The following A2M variants were observed in gnomAD, a reference collection of about 807,000 sequenced individuals.
A2M encodes the protein alpha-2-macroglobulin, also known as C3 and PZP-like alpha-2-macroglobulin domain-containing protein 5.
A neutral mutation model predicts 183.9 loss-of-function variants in A2M; 128 were observed. That is an observed-to-expected ratio of 0.70 (90% CI 0.60 to 0.81). The LOEUF (loss-of-function observed/expected upper bound fraction) is 0.81. Ranked by LOEUF, A2M falls within the 30% of genes least tolerant of loss-of-function variation. A2M has a pLI of 0.00. For synonymous variants in A2M, 592 were observed against 670.8 expected, an observed-to-expected ratio of 0.88 and a Z score of 1.81; for missense variants, 1,495 against 1,787.6, an observed-to-expected ratio of 0.84 and a Z score of 2.95.
At chr12:9,099,987 A>G (rs996147205) in intron 13 of A2M, among the ~76,000 whole-genome samples, 1 of 152,248 alleles carries the variant, frequency 6.6e-6, no homozygotes, top group South Asian at 2.1e-4. Flanking sequence ...TAGAGGTTGC[A>G]TTAAGTTTCC....
At chr12:9,093,676 A>C in intron 17 of A2M, 97 bp from the exon 18 acceptor site, 1 of 681,844 alleles carries the variant, frequency 1.5e-6, no homozygotes. Flanking sequence ...ACAAAAAACA[A>C]ATCGTCTGAT....
intron 35 of A2M, 38 bp from the exon 36 acceptor site, chr12:9,067,877 G>A: frequency 6.3e-7 from 1 of 1,597,298 alleles, no homozygotes; most frequent in Non-Finnish European, 8.6e-7. Context: ...AGACAGATTT[G>A]GGTCTCCATG....
intron 15 of A2M, 49 bp downstream of exon 15, chr12:9,098,558 G>T: frequency 6.4e-7 from 1 of 1,551,720 alleles, no homozygotes. Flanking sequence ...TCCTTGCTCT[G>T]AGCCCCTGGC....
chr12:9,079,544 G>A (rs1466107032), intron 24 of A2M, 95 bp downstream of exon 24: 1 of 1,230,774 alleles, frequency 8.1e-7, no homozygotes, highest in Non-Finnish European at 1.1e-6. Context: ...AGTGAGCTAA[G>A]CTAATGTATC....
chr12:9,069,736 T>C lies in A2M; in HGVS notation c.4263+9A>G. Reference sequence around the variant, plus strand: ...CGTTTTTTTGCAAATAGACTGGAAGTTCTCTTACCTTATCAAGGTAAATCA... The same window carrying C: ...CGTTTTTTTGCAAATAGACTGGAAGCTCTCTTACCTTATCAAGGTAAATCA... On this transcript the variant is annotated intron_variant, in intron 33 of 35. Transcript: ENST00000318602. 1.2e-6 allele frequency: 2 copies of C among 1,608,118 alleles called. No individual in the cohort carries two copies. Among genetic ancestry groups the C allele is most frequent in the Non-Finnish European group, 1.7e-6 (2 of 1,176,536 alleles).
chr12:9,071,358 G>A (rs1565576542), intron 31 of A2M, among the ~76,000 whole-genome samples: 1 of 151,998 alleles, frequency 6.6e-6, no homozygotes, highest in Non-Finnish European at 1.5e-5. Flanking sequence ...TCTTGTCCCC[G>A]AGAGTTTGCA....
chr12:9,115,687 A>G lies in A2M; in HGVS notation c.86+77T>C, dbSNP rs7315247. ...GATGACAGTATCATAGGAAAGAAAA[A>G]GGAATGATATAAAGAAAAATCTGCA... On this transcript the variant is annotated intron_variant, in intron 1 of 35. Transcript: ENST00000318602. The G allele has an allele frequency of 3.5e-5, 38 of 1,092,068 alleles. No individual in the cohort carries two copies. In the African/African-American group the frequency reaches 5.5e-4, roughly 16 times the overall value. The allele number at this position is 1,092,068 out of a possible 1,614,324, so 67.6% of individuals were successfully genotyped here. A position where few individuals can be genotyped will look rare whatever the true frequency, so the allele number is the denominator to read the frequency against.
At position 9,069,825 on chromosome 12, in the gene A2M, T is replaced by C. The variant is rs1479439259; in HGVS notation, c.4195-12A>G. 1.9e-6 allele frequency: 3 copies of C among 1,612,710 alleles called. 1 individual carries two copies. The South Asian group carries it at 3.3e-5, about 18-fold the overall frequency. On this transcript the variant is annotated splice_polypyrimidine_tract_variant and intron_variant, in intron 32 of 35. Transcript: ENST00000318602. ...TTAGATCTTTCAAGCTGAAGAAAAT[T>C]GAAATACCACAAATGTTAATAAATA...
intron 22 of A2M, among the ~76,000 whole-genome samples, chr12:9,081,816 G>A (rs1948915193): frequency 6.6e-6 from 1 of 152,192 alleles, no homozygotes; most frequent in African/African-American, 2.4e-5. Context: ...AAGTAATGAG[G>A]TCAGGTAGAA....
chr12:9,099,543 A>G lies in A2M; in HGVS notation c.1559-20T>C. 1 of 1,599,776 alleles carries G rather than the reference A, an allele frequency of 6.3e-7. No homozygotes were observed. The highest frequency in any genetic ancestry group is 8.5e-7 in the Non-Finnish European group (1 of 1,172,826). On this transcript the variant is annotated intron_variant, in intron 13 of 35. Coordinates refer to ENST00000318602, the MANE Select transcript of A2M (RefSeq NM_000014.6). ...CCTTCACTGGGGCACAAAGAGAATGAGAGGAAGCCATCATAGGTTAATGAC... is the reference window on the plus strand; with the variant it reads ...CCTTCACTGGGGCACAAAGAGAATGGGAGGAAGCCATCATAGGTTAATGAC...
At chr12:9,112,959 T>A (rs979223663) in intron 2 of A2M, among the ~76,000 whole-genome samples, 4 of 152,192 alleles carry the variant, frequency 2.6e-5, no homozygotes, top group African/African-American at 9.7e-5. Flanking sequence ...ACACCTTTGC[T>A]CAGGGTAATT....
rs187364339 is a variant in A2M, at chr12:9,093,372, A to T, written c.2240+93T>A. ...AAACATCATGTTGTACATCATAAAC[A>T]TATAAAACAATAAAAACAGAAAAAC... On this transcript the variant is annotated intron_variant, in intron 18 of 35. Coordinates refer to ENST00000318602, the MANE Select transcript of A2M (RefSeq NM_000014.6). 3.7e-6 allele frequency: 3 copies of T among 806,712 alleles called. No individual in the cohort carries two copies. In the East Asian group the frequency reaches 7.8e-5, roughly 21 times the overall value. The allele number at this position is 806,712 out of a possible 1,614,324, so 50.0% of individuals were successfully genotyped here. A position where few individuals can be genotyped will look rare whatever the true frequency, so the allele number is the denominator to read the frequency against.
At chr12:9,110,448 T>G in intron 4 of A2M, 114 bp from the exon 5 acceptor site, 1 of 558,848 alleles carries the variant, frequency 1.8e-6, no homozygotes, top group Non-Finnish European at 3.0e-6. Context: ...TAGTAAAAAA[T>G]AATTTAATTG....
At position 9,080,124 on chromosome 12, in the gene A2M, C is replaced by G; in HGVS notation, c.2824G>C (p.Glu942Gln). The G allele has an allele frequency of 6.3e-7, 1 of 1,590,726 alleles. No individual in the cohort carries two copies. Among genetic ancestry groups the G allele is most frequent in the Non-Finnish European group, 8.6e-7 (1 of 1,167,960 alleles). The change falls in exon 23 of 36, where the codon GAA becomes CAA. Residue 942 changes from glutamate to glutamine, a missense_variant. Glu to Gln is a conservative substitution (Grantham distance 29, BLOSUM62 2). Transcript: ENST00000318602. ...SLKLPPNVVEESARASVSVLG... is the reference protein window; with the variant it reads ...SLKLPPNVVEQSARASVSVLG... ...ACTGAGACAGAAGCTCGGGCAGATT[C>G]TTCTACCACATTTGGTGGCAGTTTC...
rs775056612 is a variant in A2M at position 9,104,246 on chromosome 12, G to T, written c.1259C>A (p.Thr420Asn). Reference protein sequence around the residue: ...NTTNVMGTSLTVRVNYKDRSP... With the variant: ...NTTNVMGTSLNVRVNYKDRSP... ...ATTTCTTTCCAAACTTACCCTAACA[G>T]TAAGAGAGGTACCCATAACATTGGT... Residue 420 changes from threonine to asparagine, a missense_variant, in exon 11 of 36, where the codon ACT (threonine) becomes AAT (asparagine). Transcript: ENST00000318602. 8 of 1,610,790 alleles carry T rather than the reference G, an allele frequency of 5.0e-6. No homozygotes were observed. Among genetic ancestry groups the T allele is most frequent in the Non-Finnish European group, 5.1e-6 (6 of 1,178,722 alleles).
At chr12:9,105,924 C>G (rs1938248875) in intron 10 of A2M, among the ~76,000 whole-genome samples, 1 of 152,062 alleles carries the variant, frequency 6.6e-6, no homozygotes, top group African/African-American at 2.4e-5. Context: ...CCTGAGACTG[C>G]CTGGTAAACC....
At position 9,077,429 on chromosome 12, in the gene A2M, A is replaced by C. The variant is rs190813517; in HGVS notation, c.3277-9T>G. ...TCATCTTCTACTCCTCCCTGTGAAT[A>C]CGAGAGAGAGATCTGAATAATTCAA... On this transcript the variant is annotated splice_polypyrimidine_tract_variant and intron_variant, in intron 26 of 35. Coordinates refer to ENST00000318602, the MANE Select transcript of A2M (RefSeq NM_000014.6). 2.0e-3 allele frequency: 3,200 copies of C among 1,609,894 alleles called. 3 individuals are homozygous for C. The highest frequency in any genetic ancestry group is 2.4e-3 in the Non-Finnish European group (2,833 of 1,177,084).
At position 9,112,707 on chromosome 12, in the gene A2M, G is replaced by A. The variant is rs760758848; in HGVS notation, c.271-171C>T. 6 of 645,574 alleles carry A rather than the reference G, an allele frequency of 9.3e-6. No homozygotes were observed. The South Asian group carries it at 9.7e-5, about 10-fold the overall frequency. The allele number at this position is 645,574 out of a possible 1,614,324, so 40.0% of individuals were successfully genotyped here. On this transcript the variant is annotated intron_variant, in intron 2 of 35. Coordinates refer to ENST00000318602, the MANE Select transcript of A2M (RefSeq NM_000014.6). The stretch of plus-strand genomic sequence containing the variant: ...AATCACTTCTGCCATTTTACAAATG[G>A]GGAGACAGGACACAAGGTGGAGGAA...
At position 9,084,295 on chromosome 12, in the gene A2M, C is replaced by CT. The variant is rs1205017168; in HGVS notation, c.2771-4119dup. Among the ~76,000 whole-genome samples the CT allele has an allele frequency of 4.6e-5, 7 of 152,216 alleles. No individual in the cohort carries two copies. In the East Asian group the frequency reaches 1.4e-3, roughly 29 times the overall value. Reference sequence around the variant, plus strand: ...AATATAGAGCCATATTCAAAATACTCTATGACTGTAATGATGGTATTTAAA... The same window carrying CT: ...AATATAGAGCCATATTCAAAATACTCTTATGACTGTAATGATGGTATTTAAA... On this transcript the variant is annotated intron_variant, in intron 22 of 35. Transcript: ENST00000318602.
Sources: gnomAD v4.1 joint callset for allele counts (sites outside exome capture counted in the v4.1 genomes callset) on GRCh38, gnomAD v4.1.1 for gene constraint, MANE v1.5 for transcripts, NCBI Gene and HGNC (gene_info 2026-07-23, HGNC 2026-07-21) for gene names.